The following KAZN variants were observed in gnomAD, a reference collection of about 807,000 sequenced individuals.
The protein encoded by KAZN is kazrin, periplakin interacting protein.
KAZN carries 40 observed loss-of-function variants against 87.4 expected under a neutral mutation model. That is an observed-to-expected ratio of 0.46 (90% CI 0.36 to 0.60). KAZN has a LOEUF of 0.60. Among genes scored for constraint, KAZN ranks in the 20% least tolerant of loss-of-function variants. KAZN has a pLI of 0.00. For missense variants in KAZN, 898 were observed against 1,073.9 expected (o/e 0.84, Z 2.29); for synonymous variants, 466 against 458.3 (o/e 1.02, Z -0.22).
chr1:14,357,691 T>C (rs1043258237), intron 2 of KAZN, among the ~76,000 whole-genome samples: 3 of 152,244 alleles, frequency 2.0e-5, no homozygotes, highest in African/African-American at 4.8e-5. Flanking sequence ...CATGTGGTTT[T>C]TGTCATTGGT....
At chr1:14,276,177 G>A (rs1652339189) in intron 2 of KAZN, among the ~76,000 whole-genome samples, 1 of 150,650 alleles carries the variant, frequency 6.6e-6, no homozygotes, top group South Asian at 2.1e-4. Flanking sequence ...GTGTGTGTGT[G>A]TGTGTGTGTG....
chr1:14,424,793 A>C (rs545408146), intron 2 of KAZN, among the ~76,000 whole-genome samples: 1 of 152,264 alleles, frequency 6.6e-6, no homozygotes, highest in East Asian at 1.9e-4. Context: ...TTCCTATAAA[A>C]AGCTCCTAAG....
chr1:14,215,867 G>A (rs1009590545), intron 2 of KAZN, among the ~76,000 whole-genome samples: 1 of 152,106 alleles, frequency 6.6e-6, no homozygotes, highest in African/African-American at 2.4e-5. Context: ...GGGAGGCTAA[G>A]CTTCTCATTA....
chr1:14,176,641 T>A (rs1159545489), intron 1 of KAZN, among the ~76,000 whole-genome samples: 1 of 152,206 alleles, frequency 6.6e-6, no homozygotes, highest in Admixed American at 6.5e-5. Context: ...AGTCTTCCCA[T>A]GCAACGAGGC....
At chr1:15,092,069 T>A (rs868772913) in intron 8 of KAZN, among the ~76,000 whole-genome samples, 2 of 149,902 alleles carry the variant, frequency 1.3e-5, no homozygotes, top group Non-Finnish European at 2.9e-5. Context: ...TGTTTTTTTT[T>A]TTGATTTTTT....
At chr1:14,241,559 C>A (rs536347440) in intron 2 of KAZN, among the ~76,000 whole-genome samples, 1 of 152,292 alleles carries the variant, frequency 6.6e-6, no homozygotes, top group African/African-American at 2.4e-5. Context: ...GCATTCATTT[C>A]TTCACTATTT....
At chr1:14,567,412 T>G (rs897233633) in intron 2 of KAZN, among the ~76,000 whole-genome samples, 45 of 152,318 alleles carry the variant, frequency 3.0e-4, no homozygotes, top group Admixed American at 2.9e-3. Context: ...TGAAAAAGTT[T>G]GAAGTATTGC....
chr1:15,103,915 G>A (rs1641199767), intron 12 of KAZN, 108 bp from the exon 13 acceptor site: 6 of 1,137,380 alleles, frequency 5.3e-6, no homozygotes, highest in Non-Finnish European at 7.4e-6. Flanking sequence ...TGGTCCCCAG[G>A]GGGTCAAGCC....
intron 1 of KAZN, among the ~76,000 whole-genome samples, chr1:14,907,604 G>T (rs1656750615): frequency 6.6e-6 from 1 of 152,136 alleles, no homozygotes; most frequent in African/African-American, 2.4e-5. Context: ...AAAGACGAGG[G>T]CATGATGACT....
At chr1:14,721,951 C>G (rs372843397) in intron 1 of KAZN, among the ~76,000 whole-genome samples, 1 of 151,990 alleles carries the variant, frequency 6.6e-6, no homozygotes, top group Non-Finnish European at 1.5e-5. Flanking sequence ...GTCAGAAGAT[C>G]GAGACCAGCC....
chr1:13,903,175 C>T (rs529071434), intron 1 of KAZN, among the ~76,000 whole-genome samples: 4 of 152,188 alleles, frequency 2.6e-5, no homozygotes, highest in Non-Finnish European at 5.9e-5. Context: ...CTGGCATTCC[C>T]AGCCACCCAT....
At chr1:14,538,294 T>C (rs1321307660) in intron 2 of KAZN, among the ~76,000 whole-genome samples, 1 of 152,220 alleles carries the variant, frequency 6.6e-6, no homozygotes, top group Non-Finnish European at 1.5e-5. Context: ...TATGTTTTTC[T>C]GAAAATGGGT....
At chr1:15,098,557 A>G (rs1250924994) in intron 10 of KAZN, among the ~76,000 whole-genome samples, 1 of 152,198 alleles carries the variant, frequency 6.6e-6, no homozygotes, top group African/African-American at 2.4e-5. Context: ...CAGAGAGGAG[A>G]GGAGGCCATT....
intron 1 of KAZN, among the ~76,000 whole-genome samples, chr1:14,720,526 T>A (rs2100280843): frequency 6.6e-6 from 1 of 152,334 alleles, no homozygotes; most frequent in Non-Finnish European, 1.5e-5. Flanking sequence ...GTAAATTACT[T>A]CTGCTAGCTC....
At chr1:14,302,631 G>C (rs1654631868) in intron 2 of KAZN, among the ~76,000 whole-genome samples, 3 of 152,136 alleles carry the variant, frequency 2.0e-5, no homozygotes, top group Admixed American at 2.0e-4. Flanking sequence ...ATGGCAAATG[G>C]TGTGTACAAG....
intron 1 of KAZN, among the ~76,000 whole-genome samples, chr1:14,891,026 A>G (rs1654657931): frequency 6.7e-6 from 1 of 149,524 alleles, no homozygotes; most frequent in Admixed American, 6.7e-5. Context: ...TTGTATTTTT[A>G]GTAGAGATGG....
chr1:14,058,765 C>G (rs563932199), intron 1 of KAZN, among the ~76,000 whole-genome samples: 4 of 152,126 alleles, frequency 2.6e-5, no homozygotes, highest in Non-Finnish European at 5.9e-5. Context: ...CTAGTTTAGA[C>G]AGGATGGTTG....
intron 1 of KAZN, among the ~76,000 whole-genome samples, chr1:14,071,296 C>T (rs1643237676): frequency 2.0e-5 from 3 of 152,106 alleles, no homozygotes; most frequent in Non-Finnish European, 4.4e-5. Context: ...CTGTGGACCC[C>T]CTGATGTCTT....
intron 2 of KAZN, among the ~76,000 whole-genome samples, chr1:14,432,347 T>C (rs1316579992): frequency 6.6e-6 from 1 of 152,172 alleles, no homozygotes; most frequent in East Asian, 1.9e-4. Flanking sequence ...AGCTCTAGAA[T>C]ATAACTCAAC....
Sources: allele counts gnomAD v4.1 joint callset (sites outside exome capture counted in the v4.1 genomes callset), GRCh38; gene constraint gnomAD v4.1.1; transcripts MANE v1.5; gene names NCBI Gene and HGNC (gene_info 2026-07-23, HGNC 2026-07-21).